Variants in FSIP2 observed in about 807,000 individuals in gnomAD.
FSIP2 encodes fibrous sheath-interacting protein 2.
A neutral mutation model predicts 510.5 loss-of-function variants in FSIP2; 367 were observed. The observed-to-expected ratio is 0.72, with a 90% CI of 0.66 to 0.78. The LOEUF (loss-of-function observed/expected upper bound fraction) is 0.78, where lower values mean the gene tolerates loss of function less well. Ranked by LOEUF, FSIP2 falls within the 30% of genes least tolerant of loss-of-function variation. The pLI is 0.00. For missense variants in FSIP2, 7,594 were observed against 7,901.7 expected (o/e 0.96, Z 1.48); for synonymous variants, 2,601 against 2,732.2 (o/e 0.95, Z 1.50).
In FSIP2 at chr2:185,792,417, A is replaced by G. The variant is rs554018493; in HGVS notation, c.5281A>G (p.Thr1761Ala). Residue 1761 changes from threonine (T) to alanine (A), a missense_variant, in exon 16 of 23, where the codon ACC (threonine) becomes GCC (alanine). Physicochemically the swap from Thr to Ala is moderately conservative, Grantham distance 58. Transcript: ENST00000424728. ...RSLKQWALEK[T>A]LNKIEVKLKE... is the part of the protein sequence containing the mutation. ...TCTTAAACAATGGGCTCTCGAAAAA[A>G]CCTTAAACAAAATTGAAGTAAAACT... 24 of 1,533,834 alleles carry G rather than the reference A, an allele frequency of 1.6e-5. No individual in the cohort carries two copies. Among genetic ancestry groups the G allele is most frequent in the Non-Finnish European group, 2.1e-5 (24 of 1,145,380 alleles).
At chr2:185,822,101 A>G (rs1202803794) in intron 19 of FSIP2, among the ~76,000 whole-genome samples, 1 of 151,992 alleles carries the variant, frequency 6.6e-6, no homozygotes, top group Non-Finnish European at 1.5e-5. Flanking sequence ...TGAAACATCT[A>G]CAGCTAACAT....
At chr2:185,784,606 A>G (rs551976776) in intron 14 of FSIP2, among the ~76,000 whole-genome samples, 1 of 152,122 alleles carries the variant, frequency 6.6e-6, no homozygotes, top group East Asian at 1.9e-4. Flanking sequence ...TGTTCAAACT[A>G]TAATGCTAGT....
rs2105618052 is a variant in FSIP2, at chr2:185,792,662, A to C, written c.5526A>C (p.Val1842=). The stretch of plus-strand genomic sequence containing the variant: ...TTTCGGAAGCAGATATAACCATAGT[A>C]ACAGATAATATTGTTAGGACTGTAT... ...PLLSEADITI[V]TDNIVRTVFH... Residue 1842 remains valine (V), a synonymous_variant, in exon 16 of 23, where the codon GTA becomes GTC. Coordinates refer to ENST00000424728, the MANE Select transcript of FSIP2 (RefSeq NM_173651.4). 1 of 1,533,750 alleles carries C rather than the reference A, an allele frequency of 6.5e-7. No individual in the cohort carries two copies. The highest frequency in any genetic ancestry group is 1.7e-4 in the Middle Eastern group (1 of 5,968).
chr2:185,763,036 T>A, intron 11 of FSIP2, 147 bp from the exon 12 acceptor site: 1 of 571,182 alleles, frequency 1.8e-6, no homozygotes, highest in South Asian at 2.2e-5. Flanking sequence ...GATATTTCCT[T>A]GACTCAAATA....
At chr2:185,819,332 G>A (rs561905293) in intron 19 of FSIP2, among the ~76,000 whole-genome samples, 4 of 151,936 alleles carry the variant, frequency 2.6e-5, no homozygotes, top group South Asian at 2.1e-4. Flanking sequence ...GCAAAAGAAC[G>A]TTCTTCTCTA....
Position 185,743,828 on chromosome 2 carries a change from T to C in FSIP2, c.388-494T>C, listed in dbSNP as rs372813499. The stretch of plus-strand genomic sequence containing the variant: ...CCTTTTATGATATAAGTAATATTAA[T>C]AAAGTAATATGTATATATTTTTTAG... On this transcript the variant is annotated intron_variant, in intron 3 of 22. Transcript: ENST00000424728. Among the ~76,000 whole-genome samples the C allele has an allele frequency of 2.0e-5, 3 of 152,192 alleles. No individual in the cohort carries two copies. The East Asian group carries it at 5.8e-4, about 29-fold the overall frequency.
chr2:185,757,482 T>C (rs528618293), intron 9 of FSIP2, among the ~76,000 whole-genome samples: 8 of 151,494 alleles, frequency 5.3e-5, no homozygotes, highest in East Asian at 3.9e-4. Flanking sequence ...GTGAAGGGTA[T>C]GTGAGTCATT....
chr2:185,812,512 A>G (rs1693752224), intron 17 of FSIP2, among the ~76,000 whole-genome samples: 1 of 152,066 alleles, frequency 6.6e-6, no homozygotes, highest in African/African-American at 2.4e-5. Flanking sequence ...AATATTATCT[A>G]TCTTCAACAA....
At chr2:185,758,832 T>C (rs1692295638) in intron 9 of FSIP2, among the ~76,000 whole-genome samples, 1 of 151,312 alleles carries the variant, frequency 6.6e-6, no homozygotes, top group Non-Finnish European at 1.5e-5. Context: ...TTATCTGTCT[T>C]TATGCAAATA....
At position 185,739,420 on chromosome 2, in the gene FSIP2, T is replaced by C; in HGVS notation, c.174T>C (p.Pro58=). ...LLDLPLGVKL[P]VIPGSNAVFY... ...ACCTACCTCTCGGGGTCAAGCTGCC[T>C]GTGATCCCAGGAAGCAATGCTGTAT... Residue 58 remains proline (P), a synonymous_variant, in exon 2 of 23, where the codon CCT becomes CCC. Coordinates refer to ENST00000424728, the MANE Select transcript of FSIP2 (RefSeq NM_173651.4). 1 of 1,535,080 alleles carries C rather than the reference T, an allele frequency of 6.5e-7. No individual in the cohort carries two copies. Among genetic ancestry groups the C allele is most frequent in the Non-Finnish European group, 8.7e-7 (1 of 1,146,450 alleles).
intron 11 of FSIP2, among the ~76,000 whole-genome samples, chr2:185,762,666 CTTAAT>C (rs1004376396): frequency 1.3e-5 from 2 of 151,164 alleles, no homozygotes; most frequent in African/African-American, 2.4e-5. Context: ...ATTCTACTTC[CTTAAT>C]TTATTTTGAT....
intron 12 of FSIP2, 57 bp downstream of exon 12, chr2:185,763,346 T>C (rs1358077559): frequency 4.1e-6 from 3 of 734,886 alleles, no homozygotes; most frequent in Admixed American, 2.1e-5. Flanking sequence ...TATGATCTTA[T>C]GGTCATAATT....
intron 1 of FSIP2, 42 bp from the exon 2 acceptor site, chr2:185,739,304 T>G: frequency 6.7e-7 from 1 of 1,492,580 alleles, no homozygotes; most frequent in Non-Finnish European, 8.9e-7. Context: ...AAACTAATAC[T>G]GCCTAAAAGG....
intron 13 of FSIP2, among the ~76,000 whole-genome samples, chr2:185,777,932 T>C (rs1278075394): frequency 1.3e-5 from 2 of 152,250 alleles, no homozygotes; most frequent in East Asian, 3.9e-4. Flanking sequence ...TTATATATTC[T>C]TTGAATGTTC....
At chr2:185,746,497 G>C (rs1353109123) in intron 5 of FSIP2, among the ~76,000 whole-genome samples, 172 bp from the exon 6 acceptor site, 1 of 151,944 alleles carries the variant, frequency 6.6e-6, no homozygotes, top group East Asian at 1.9e-4. Flanking sequence ...TGAGCTGGTG[G>C]GTTAGGCTGT....
chr2:185,757,407 T>C (rs1294969145), intron 9 of FSIP2, among the ~76,000 whole-genome samples: 2 of 151,396 alleles, frequency 1.3e-5, no homozygotes, highest in Non-Finnish European at 3.0e-5. Context: ...AGATGAAATG[T>C]AAAGTAATGT....
In FSIP2 at chr2:185,801,635, C is replaced by A. The variant is rs749421137; in HGVS notation, c.12329C>A (p.Pro4110His). 5.2e-5 allele frequency: 79 copies of A among 1,529,650 alleles called. No homozygotes were observed. The East Asian group carries it at 1.8e-3, about 35-fold the overall frequency. The allele number at this position is 1,529,650 out of a possible 1,614,324, so 94.8% of individuals were successfully genotyped here. The change falls in exon 17 of 23, where the codon CCT (proline) becomes CAT (histidine). Residue 4110 changes from proline to histidine, a missense_variant. Transcript: ENST00000424728. ...LIPHSYYPLK[P>H]EIILQKLQSN... ...CCCCATTCATATTACCCTCTCAAAC[C>A]TGAAATTATATTGCAAAAGCTTCAA...
chr2:185,751,468 T>TGTGTGTGC (rs1692145386), intron 7 of FSIP2, among the ~76,000 whole-genome samples: 1 of 131,894 alleles, frequency 7.6e-6, no homozygotes, highest in African/African-American at 2.6e-5. Context: ...TTTCTGTGTG[T>TGTGTGTGC]GTGTGTGTGT....
intron 21 of FSIP2, among the ~76,000 whole-genome samples, chr2:185,830,598 T>C (rs1218756665): frequency 2.0e-5 from 3 of 151,928 alleles, no homozygotes; most frequent in African/African-American, 7.2e-5. Flanking sequence ...ACTAGCACAA[T>C]GTAAATATTA....
Sources: gnomAD v4.1 joint callset for allele counts (sites outside exome capture counted in the v4.1 genomes callset) on GRCh38, gnomAD v4.1.1 for gene constraint, MANE v1.5 for transcripts, NCBI Gene and HGNC (gene_info 2026-07-23, HGNC 2026-07-21) for gene names.